Variants in BTD observed in about 807,000 individuals in gnomAD.
BTD encodes biotinidase.
BTD carries 13 observed loss-of-function variants against 17.7 expected under a neutral mutation model. That is an observed-to-expected ratio of 0.74 (90% CI 0.48 to 1.17). The LOEUF is 1.17. BTD is among the 50% of genes most tolerant of loss of function. BTD has a pLI of 0.00. For missense variants in BTD, 674 were observed against 650.4 expected, an observed-to-expected ratio of 1.04 and a Z score of -0.39; for synonymous variants, 240 against 245.2, an observed-to-expected ratio of 0.98 and a Z score of 0.20.
exon 4 of BTD, among the ~76,000 whole-genome samples, chr3:15,711,865 A>AC (rs1553603509): frequency 6.8e-6 from 1 of 147,558 alleles, no homozygotes; most frequent in Non-Finnish European, 1.5e-5. Flanking sequence ...TTTTTTTTGT[A>AC]TTTTTTTTTT....
intron 3 of BTD, among the ~76,000 whole-genome samples, chr3:15,671,820 A>G (rs934119734): frequency 6.6e-6 from 1 of 152,010 alleles, no homozygotes; most frequent in Non-Finnish European, 1.5e-5. Context: ...CCTGGCCTCA[A>G]GTGATCTGCC....
At chr3:15,693,110 G>A (rs1461875333) in intron 3 of BTD, among the ~76,000 whole-genome samples, 1 of 152,276 alleles carries the variant, frequency 6.6e-6, no homozygotes, top group South Asian at 2.1e-4. Context: ...AGGAGAAACA[G>A]GGAGATGTTT....
chr3:15,718,553 T>G (rs2073339101), intron 4 of BTD, among the ~76,000 whole-genome samples: 1 of 152,160 alleles, frequency 6.6e-6, no homozygotes, highest in Non-Finnish European at 1.5e-5. Flanking sequence ...GGTACTATAG[T>G]CACCTAAGTA....
chr3:15,704,413 T>C (rs779459650), intron 3 of BTD, among the ~76,000 whole-genome samples: 1 of 152,140 alleles, frequency 6.6e-6, no homozygotes, highest in Non-Finnish European at 1.5e-5. Context: ...AGAAAACCAA[T>C]GTCAGATTGT....
intron 3 of BTD, among the ~76,000 whole-genome samples, chr3:15,698,129 GC>G (rs1559358394): frequency 6.6e-6 from 1 of 151,830 alleles, no homozygotes; most frequent in African/African-American, 2.4e-5. Flanking sequence ...CATTAGTCTT[GC>G]TAGCGGTCTG....
chr3:15,718,357 T>C (rs562985485), intron 4 of BTD, among the ~76,000 whole-genome samples: 126 of 152,332 alleles, frequency 8.3e-4, no homozygotes, highest in African/African-American at 2.9e-3. Context: ...CTTAAATATA[T>C]CTTAATGCCT....
intron 2 of BTD, among the ~76,000 whole-genome samples, chr3:15,636,076 C>G (rs953564880): frequency 2.6e-5 from 4 of 152,224 alleles, no homozygotes; most frequent in African/African-American, 9.6e-5. Flanking sequence ...CTGCCCGGGT[C>G]CTGGAGAGTC....
chr3:15,713,422 A>T, downstream of BTD: 8 of 832,848 alleles, frequency 9.6e-6, no homozygotes, highest in Non-Finnish European at 1.5e-5. Flanking sequence ...TTAATACAAC[A>T]TTGAGGATAA....
At chr3:15,633,078 T>C (rs951506571) in intron 1 of BTD, among the ~76,000 whole-genome samples, 1 of 152,204 alleles carries the variant, frequency 6.6e-6, no homozygotes, top group Non-Finnish European at 1.5e-5. Context: ...CTGTACACTT[T>C]AAATCATCTC....
intron 1 of BTD, among the ~76,000 whole-genome samples, chr3:15,610,141 G>T (rs1270205504): frequency 2.0e-5 from 3 of 152,140 alleles, no homozygotes; most frequent in Admixed American, 6.5e-5. Flanking sequence ...TTCCTATGAG[G>T]CTGGTCTCAA....
intron 3 of BTD, chr3:15,670,154 G>T: frequency 8.6e-7 from 1 of 1,165,138 alleles, no homozygotes; most frequent in Non-Finnish European, 1.2e-6. Flanking sequence ...CTTAACATTG[G>T]CTCACTGTGG....
At chr3:15,698,302 TG>T (rs2069991126) in intron 3 of BTD, among the ~76,000 whole-genome samples, 2 of 152,190 alleles carry the variant, frequency 1.3e-5, no homozygotes, top group African/African-American at 4.8e-5. Context: ...GGGCAAAAAC[TG>T]GAAGCATTCC....
At chr3:15,643,631 G>A (rs948250407) in intron 3 of BTD, among the ~76,000 whole-genome samples, 8 of 152,146 alleles carry the variant, frequency 5.3e-5, no homozygotes, top group Admixed American at 1.3e-4. Context: ...TGAGATGTTT[G>A]TGGGTCACTT....
At chr3:15,697,505 T>C (rs2125908572) in intron 3 of BTD, 2 of 151,978 alleles carry the variant, frequency 1.3e-5, no homozygotes, top group South Asian at 4.2e-4. Context: ...TTTAATCATG[T>C]GTTTGTTTTT....
intron 1 of BTD, among the ~76,000 whole-genome samples, chr3:15,602,602 A>G (rs1291755279): frequency 6.6e-6 from 1 of 152,174 alleles, no homozygotes; most frequent in East Asian, 1.9e-4. Context: ...GAGGATTTGG[A>G]GTCATTTTAA....
exon 4 of BTD, chr3:15,712,345 G>C: frequency 1.3e-6 from 1 of 768,292 alleles, no homozygotes; most frequent in Non-Finnish European, 2.2e-6. Flanking sequence ...CTAACACTTC[G>C]GAGAGTAATT....
At chr3:15,667,492 T>A (rs983491099) in intron 3 of BTD, 1 of 152,250 alleles carries the variant, frequency 6.6e-6, no homozygotes. Flanking sequence ...AACAGGCTTT[T>A]CTACTCTGTG....
chr3:15,691,661 A>G (rs1022165709), intron 3 of BTD, among the ~76,000 whole-genome samples: 4 of 152,234 alleles, frequency 2.6e-5, no homozygotes, highest in African/African-American at 9.6e-5. Flanking sequence ...ATCTGTGTAG[A>G]AACTTGACTA....
chr3:15,638,081 A>G (rs755207278), intron 2 of BTD, among the ~76,000 whole-genome samples: 5 of 152,210 alleles, frequency 3.3e-5, no homozygotes, highest in South Asian at 2.1e-4. Context: ...GCTGGGGCCT[A>G]TTGTTCTCAC....
Sources: gnomAD v4.1 joint callset for allele counts (sites outside exome capture counted in the v4.1 genomes callset) on GRCh38, gnomAD v4.1.1 for gene constraint, MANE v1.5 for transcripts, NCBI Gene and HGNC (gene_info 2026-07-23, HGNC 2026-07-21) for gene names.